PLCL1: variants seen among roughly 807,000 people sequenced by gnomAD.
PLCL1 encodes the protein inactive phospholipase C-like protein 1.
PLCL1 carries 41 observed loss-of-function variants against 84.4 expected under a neutral mutation model. The observed-to-expected ratio is 0.49, with a 90% CI of 0.38 to 0.63. PLCL1 has a LOEUF of 0.63. Ranked by LOEUF, PLCL1 falls within the 30% of genes least tolerant of loss-of-function variation. The pLI, the probability that PLCL1 is intolerant of heterozygous loss-of-function variation, is 0.00. For missense variants in PLCL1, 1,206 were observed against 1,367.8 expected, an observed-to-expected ratio of 0.88 and a Z score of 1.87; for synonymous variants, 490 against 488.3, an observed-to-expected ratio of 1.00 and a Z score of -0.05.
chr2:197,866,506 T>G (rs1436131), intron 1 of PLCL1, among the ~76,000 whole-genome samples: 110,619 of 151,802 alleles, frequency 0.73, 41,376 homozygotes, highest in African/African-American at 0.9. Context: ...CTTTCACATT[T>G]CTCTTGTGAA....
In PLCL1 at chr2:198,026,862, A is replaced by G. The variant is rs1014642815; in HGVS notation, c.241-56896A>G. Among the ~76,000 whole-genome samples, 5 of 152,182 alleles carry G rather than the reference A, an allele frequency of 3.3e-5. No homozygotes were observed. The South Asian group carries it at 1.0e-3, about 32-fold the overall frequency. Reference sequence around the variant, plus strand: ...ATGGCTAATATAGAAAATACCAAAGATTACAAATATTGGCAAGGGTGTGGA... The same window carrying G: ...ATGGCTAATATAGAAAATACCAAAGGTTACAAATATTGGCAAGGGTGTGGA... On this transcript the variant is annotated intron_variant, in intron 1 of 5. Transcript: ENST00000428675.
At chr2:197,842,182 C>T (rs560536712) in intron 1 of PLCL1, among the ~76,000 whole-genome samples, 1 of 152,132 alleles carries the variant, frequency 6.6e-6, no homozygotes, top group South Asian at 2.1e-4. Flanking sequence ...ATAACCATAG[C>T]CTACCTGCCC....
intron 1 of PLCL1, among the ~76,000 whole-genome samples, chr2:197,824,704 A>T (rs1370495698): frequency 7.9e-6 from 1 of 127,378 alleles, no homozygotes; most frequent in Non-Finnish European, 1.6e-5. Context: ...ACAGAGCGAG[A>T]CCCTGTCTCA....
At chr2:197,863,463 C>A (rs1272842750) in intron 1 of PLCL1, among the ~76,000 whole-genome samples, 1 of 152,044 alleles carries the variant, frequency 6.6e-6, no homozygotes, top group East Asian at 1.9e-4. Flanking sequence ...CTTGTCATAT[C>A]ATAACCATTT....
intron 1 of PLCL1, among the ~76,000 whole-genome samples, chr2:197,816,402 T>C (rs1690690082): frequency 6.6e-6 from 1 of 152,174 alleles, no homozygotes; most frequent in South Asian, 2.1e-4. Context: ...TAAACATAAC[T>C]TTTATATGCA....
At chr2:198,078,682 T>C (rs1692638863) in intron 1 of PLCL1, among the ~76,000 whole-genome samples, 1 of 152,112 alleles carries the variant, frequency 6.6e-6, no homozygotes, top group East Asian at 1.9e-4. Flanking sequence ...TGTAAATTTG[T>C]TCTAACAAAG....
chr2:197,851,312 A>G (rs940928345), intron 1 of PLCL1, among the ~76,000 whole-genome samples: 2 of 152,230 alleles, frequency 1.3e-5, no homozygotes, highest in Non-Finnish European at 2.9e-5. Flanking sequence ...GCAGTTCTAC[A>G]TACATAGAAA....
At chr2:198,113,256 G>A (rs1364503770) in intron 5 of PLCL1, among the ~76,000 whole-genome samples, 1 of 151,914 alleles carries the variant, frequency 6.6e-6, no homozygotes, top group African/African-American at 2.4e-5. Context: ...ATGCATAAAT[G>A]AGGCTTCTAA....
intron 1 of PLCL1, among the ~76,000 whole-genome samples, chr2:197,978,485 C>A (rs964242310): frequency 1.3e-5 from 2 of 152,040 alleles, no homozygotes; most frequent in Admixed American, 6.6e-5. Flanking sequence ...CTCAAAAAAA[C>A]AAAAACAAAG....
At chr2:198,000,489 G>T (rs1016135306) in intron 1 of PLCL1, among the ~76,000 whole-genome samples, 1 of 152,160 alleles carries the variant, frequency 6.6e-6, no homozygotes, top group South Asian at 2.1e-4. Flanking sequence ...TTAGTGAGTT[G>T]AAAGTTGCAA....
intron 1 of PLCL1, among the ~76,000 whole-genome samples, chr2:198,056,972 G>A (rs1353068661): frequency 1.3e-5 from 2 of 152,136 alleles, no homozygotes; most frequent in African/African-American, 4.8e-5. Flanking sequence ...TATGCTTGAG[G>A]ATATAGCACA....
At chr2:197,893,084 G>T (rs1386533284) in intron 1 of PLCL1, among the ~76,000 whole-genome samples, 1 of 152,182 alleles carries the variant, frequency 6.6e-6, no homozygotes, top group African/African-American at 2.4e-5. Flanking sequence ...ACTGTATTGA[G>T]TTACAAAGCC....
intron 1 of PLCL1, among the ~76,000 whole-genome samples, chr2:197,923,969 A>G (rs1688778676): frequency 1.3e-5 from 2 of 151,846 alleles, no homozygotes; most frequent in Middle Eastern, 3.4e-3. Context: ...CGGCCCGGCC[A>G]ACACAGCGAA....
intron 1 of PLCL1, among the ~76,000 whole-genome samples, chr2:198,063,351 G>A (rs1692248934): frequency 6.6e-6 from 1 of 152,080 alleles, no homozygotes; most frequent in Non-Finnish European, 1.5e-5. Context: ...AAGGGAGAGT[G>A]AGTGGTCTGC....
intron 1 of PLCL1, 141 bp from the exon 2 acceptor site, chr2:198,083,617 C>A: frequency 1.7e-6 from 1 of 571,830 alleles, no homozygotes. Context: ...TTTTCTGAAA[C>A]AGTGAAAATG....
chr2:197,975,105 C>T (rs914895869), intron 1 of PLCL1, among the ~76,000 whole-genome samples: 4 of 130,312 alleles, frequency 3.1e-5, no homozygotes, highest in Admixed American at 1.9e-4. Flanking sequence ...TGCGCCACTG[C>T]AGTCCGCAGT....
chr2:198,105,976 G>C (rs1368248669), intron 5 of PLCL1, among the ~76,000 whole-genome samples: 2 of 151,880 alleles, frequency 1.3e-5, no homozygotes, highest in Non-Finnish European at 2.9e-5. Flanking sequence ...AGCTAAATGG[G>C]AGAAAAATAG....
chr2:197,841,290 C>T (rs1381360285), intron 1 of PLCL1, among the ~76,000 whole-genome samples: 2 of 152,080 alleles, frequency 1.3e-5, no homozygotes, highest in East Asian at 3.9e-4. Flanking sequence ...TGGGTTTTGA[C>T]AAGTGTATAA....
intron 1 of PLCL1, among the ~76,000 whole-genome samples, chr2:198,063,321 G>A (rs577814030): frequency 2.6e-5 from 4 of 152,038 alleles, no homozygotes; most frequent in African/African-American, 4.8e-5. Flanking sequence ...AGAGCAAGGA[G>A]GAGGCTGATA....
Sources: gnomAD v4.1 joint callset for allele counts (sites outside exome capture counted in the v4.1 genomes callset) on GRCh38, gnomAD v4.1.1 for gene constraint, MANE v1.5 for transcripts, NCBI Gene and HGNC (gene_info 2026-07-23, HGNC 2026-07-21) for gene names.